PTGIS: variants seen among roughly 807,000 people sequenced by gnomAD.
PTGIS encodes prostaglandin I2 synthase, also known as prostacyclin synthase.
A neutral mutation model predicts 50.3 loss-of-function variants in PTGIS; 45 were observed. The ratio of observed to expected loss-of-function variants is 0.90; its 90% CI spans 0.70 to 1.15. The LOEUF (loss-of-function observed/expected upper bound fraction) is 1.15. Ranked by LOEUF, PTGIS falls within the 50% of genes most tolerant of loss-of-function variation. PTGIS has a pLI of 0.00. For synonymous variants in PTGIS, 260 were observed against 267.7 expected, an observed-to-expected ratio of 0.97 and a Z score of 0.28; for missense variants, 668 against 661.3, an observed-to-expected ratio of 1.01 and a Z score of -0.11.
chr20:49,531,571 C>T lies in PTGIS; in HGVS notation c.674-7332G>A, dbSNP rs187263378. On this transcript the variant is annotated intron_variant, in intron 5 of 9. Coordinates refer to ENST00000244043, the MANE Select transcript of PTGIS (RefSeq NM_000961.4). ...AAAAGACAAAATTTTAAAAATCTTC[C>T]CACTGGGAAAACAGAGGCTTGCTGT... is the stretch of plus-strand genomic sequence containing the variant. Among the ~76,000 whole-genome samples, 71 of 152,266 alleles carry T rather than the reference C, an allele frequency of 4.7e-4. 2 individuals are homozygous for T. The East Asian group carries it at 0.013, about 28-fold the overall frequency.
chr20:49,510,057 T>A (rs942808046), intron 9 of PTGIS, among the ~76,000 whole-genome samples: 12 of 151,562 alleles, frequency 7.9e-5, no homozygotes, highest in Non-Finnish European at 1.6e-4. Context: ...CCCGGCCAAT[T>A]TTTGTATTTT....
In PTGIS at chr20:49,537,873, G is replaced by A. The variant is rs145806944; in HGVS notation, c.673+1697C>T. On this transcript the variant is annotated intron_variant, in intron 5 of 9. Coordinates refer to ENST00000244043, the MANE Select transcript of PTGIS (RefSeq NM_000961.4). ...CAACCTCTTCCTAACAGCTCCAAAT[G>A]GGGGACTACTCAAATGTCTATCAAC... Among the ~76,000 whole-genome samples the A allele has an allele frequency of 3.8e-3, 582 of 152,268 alleles. 4 individuals are homozygous for A. Among genetic ancestry groups the A allele is most frequent in the African/African-American group, 0.013 (553 of 41,554 alleles).
In PTGIS at chr20:49,505,278, C is replaced by G. The variant is rs1292025813; in HGVS notation, c.*2642G>C. The G allele has an allele frequency of 6.6e-6, 1 of 152,130 alleles. No individual in the cohort carries two copies. Among genetic ancestry groups the G allele is most frequent in the Non-Finnish European group, 1.5e-5 (1 of 68,028 alleles). The allele number at this position is 152,130 out of a possible 1,614,324, so 9.4% of individuals were successfully genotyped here. A position where few individuals can be genotyped will look rare whatever the true frequency, so the allele number is the denominator to read the frequency against. ...CATCCAGGTAACTTCCTAACTAGCGCATAGCAGGTAGCTAACCCACTCATC... is the reference window on the plus strand; with the variant it reads ...CATCCAGGTAACTTCCTAACTAGCGGATAGCAGGTAGCTAACCCACTCATC... On this transcript the variant is annotated 3_prime_UTR_variant, in exon 10 of 10. Coordinates refer to ENST00000244043, the MANE Select transcript of PTGIS (RefSeq NM_000961.4).
intron 9 of PTGIS, among the ~76,000 whole-genome samples, chr20:49,508,453 T>G (rs931402882): frequency 6.6e-6 from 1 of 152,130 alleles, no homozygotes; most frequent in Admixed American, 6.6e-5. Flanking sequence ...GGGGAAGCCC[T>G]CCAATCCCAC....
At chr20:49,541,733 T>TTAAAA (rs1000201073) in intron 4 of PTGIS, among the ~76,000 whole-genome samples, 8 of 151,920 alleles carry the variant, frequency 5.3e-5, no homozygotes, top group Non-Finnish European at 7.4e-5. Flanking sequence ...AACTTTGTCT[T>TTAAAA]TAAAATAAAA....
chr20:49,539,745 AG>A, intron 4 of PTGIS, 24 bp from the exon 5 acceptor site: 1 of 1,604,366 alleles, frequency 6.2e-7, no homozygotes, highest in Non-Finnish European at 8.5e-7. Flanking sequence ...ACAGAGGGTC[AG>A]GGGTCCTCCT....
chr20:49,535,769 G>A (rs567713378), intron 5 of PTGIS, among the ~76,000 whole-genome samples: 2 of 152,310 alleles, frequency 1.3e-5, no homozygotes, highest in South Asian at 4.1e-4. Flanking sequence ...ACCTGTCTCA[G>A]CCTCCCAAAG....
chr20:49,520,386 T>C lies in PTGIS; in HGVS notation c.855+3672A>G, dbSNP rs1981618325. 2.0e-5 allele frequency among the ~76,000 whole-genome samples: 3 copies of C among 151,554 alleles called. No homozygotes were observed. In the South Asian group the frequency reaches 6.2e-4, roughly 32 times the overall value. ...TCTCACTCTGTTGCCCAGGCTGGAG[T>C]GCAGTGGTGCCATCTCGGCTCACTG... On this transcript the variant is annotated intron_variant, in intron 6 of 9. Transcript: ENST00000244043.
chr20:49,538,456 A>G (rs1325063897), intron 5 of PTGIS, among the ~76,000 whole-genome samples: 1 of 152,058 alleles, frequency 6.6e-6, no homozygotes, highest in African/African-American at 2.4e-5. Context: ...CTATTGATCC[A>G]TACAACAACC....
chr20:49,517,474 GTGTGCA>G (rs1981517907), intron 6 of PTGIS, among the ~76,000 whole-genome samples: 1 of 151,608 alleles, frequency 6.6e-6, no homozygotes, highest in Non-Finnish European at 1.5e-5. Flanking sequence ...GTGTGTGTGT[GTGTGCA>G]CACACAACCA....
At chr20:49,536,439 C>CTTT (rs1982069235) in intron 5 of PTGIS, among the ~76,000 whole-genome samples, 1 of 146,578 alleles carries the variant, frequency 6.8e-6, no homozygotes, top group African/African-American at 2.5e-5. Context: ...GCAAACAGTG[C>CTTT]TTTTTCTTTT....
intron 1 of PTGIS, among the ~76,000 whole-genome samples, chr20:49,559,646 A>G (rs1242445198): frequency 6.6e-6 from 1 of 152,222 alleles, no homozygotes; most frequent in African/African-American, 2.4e-5. Context: ...GATTCATGCT[A>G]CGATGTGGGT....
At chr20:49,559,067 A>G (rs561807484) in intron 1 of PTGIS, among the ~76,000 whole-genome samples, 84 of 152,272 alleles carry the variant, frequency 5.5e-4, no homozygotes, top group African/African-American at 1.8e-3. Context: ...AACACGTTAA[A>G]TCATGCTTAC....
chr20:49,551,599 C>T (rs78959792), intron 1 of PTGIS, among the ~76,000 whole-genome samples: 6,126 of 152,192 alleles, frequency 0.04, 349 homozygotes, highest in African/African-American at 0.13. Flanking sequence ...ATGTACAAAC[C>T]GAGCTGTGCC....
In PTGIS at chr20:49,537,436, C is replaced by T. The variant is rs554099014; in HGVS notation, c.673+2134G>A. On this transcript the variant is annotated intron_variant, in intron 5 of 9. Coordinates refer to ENST00000244043, the MANE Select transcript of PTGIS (RefSeq NM_000961.4). ...AGCTGTAAGCGGTACAACAATTCTT[C>T]TAGTGTGATATATCTAAGTTATAGA... is the stretch of plus-strand genomic sequence containing the variant. 4.7e-4 allele frequency among the ~76,000 whole-genome samples: 72 copies of T among 152,238 alleles called. 1 individual carries two copies. Among genetic ancestry groups the T allele is most frequent in the African/African-American group, 1.7e-3 (70 of 41,544 alleles).
rs950164108 is a variant in PTGIS, at chr20:49,504,887, G to A, written c.*3033C>T. On this transcript the variant is annotated 3_prime_UTR_variant, in exon 10 of 10. Coordinates refer to ENST00000244043, the MANE Select transcript of PTGIS (RefSeq NM_000961.4). ...CACCTGTAATCCCAGCACTTTGGGA[G>A]GCCGAGGCGGGCAGATCACGAGCTC... The A allele has an allele frequency of 6.6e-6, 1 of 152,048 alleles. No homozygotes were observed. The highest frequency in any genetic ancestry group is 1.5e-5 in the Non-Finnish European group (1 of 68,050). 9.4% of individuals were successfully genotyped at this position (152,048 alleles called of 1,614,324 possible). A position where few individuals can be genotyped will look rare whatever the true frequency, so the allele number is the denominator to read the frequency against.
At chr20:49,541,945 A>G (rs1982242384) in intron 4 of PTGIS, among the ~76,000 whole-genome samples, 1 of 152,158 alleles carries the variant, frequency 6.6e-6, no homozygotes, top group Admixed American at 6.5e-5. Flanking sequence ...AAGCTGGGTC[A>G]CAGGAGGGAG....
chr20:49,534,729 C>T (rs1031251538), intron 5 of PTGIS, among the ~76,000 whole-genome samples: 2 of 152,186 alleles, frequency 1.3e-5, no homozygotes, highest in African/African-American at 4.8e-5. Context: ...GAATAACAAC[C>T]TTCCAGCATG....
At position 49,504,306 on chromosome 20, in the gene PTGIS, G is replaced by A. The variant is rs5619; in HGVS notation, c.*3614C>T. On this transcript the variant is annotated 3_prime_UTR_variant, in exon 10 of 10. Coordinates refer to ENST00000244043, the MANE Select transcript of PTGIS (RefSeq NM_000961.4). ...CCAGCATGGAGCCCCCTTCCCCAGC[G>A]AATTTATTTTTCATGGTCACTTTCT... The A allele has an allele frequency of 0.12, 18,082 of 152,274 alleles. 2,657 individuals carry two copies. The highest frequency in any genetic ancestry group is 0.35 in the African/African-American group (14,506 of 41,500). 9.4% of individuals were successfully genotyped at this position (152,274 alleles called of 1,614,324 possible).
Sources: gnomAD v4.1 joint callset for allele counts (sites outside exome capture counted in the v4.1 genomes callset) on GRCh38, gnomAD v4.1.1 for gene constraint, MANE v1.5 for transcripts, NCBI Gene and HGNC (gene_info 2026-07-23, HGNC 2026-07-21) for gene names.